ADGRL2: variants seen among roughly 807,000 people sequenced by gnomAD.
ADGRL2 encodes the protein calcium-independent alpha-latrotoxin receptor 2.
ADGRL2 carries 44 observed loss-of-function variants against 157.4 expected under a neutral mutation model. The observed-to-expected ratio is 0.28, with a 90% CI of 0.22 to 0.36. ADGRL2 has a LOEUF of 0.36. ADGRL2 is among the 10% of genes least tolerant of loss of function. The pLI, the probability that ADGRL2 is intolerant of heterozygous loss-of-function variation, is 1.00. For missense variants in ADGRL2, 1,510 were observed against 1,768.9 expected, an observed-to-expected ratio of 0.85 and a Z score of 2.63; for synonymous variants, 585 against 624.7, an observed-to-expected ratio of 0.94 and a Z score of 0.95.
chr1:81,356,614 A>C (rs1473145855), intron 1 of ADGRL2, among the ~76,000 whole-genome samples: 1 of 152,162 alleles, frequency 6.6e-6, no homozygotes, highest in Non-Finnish European at 1.5e-5. Context: ...CCTTCTAAGC[A>C]TCTTCTCAGT....
intron 2 of ADGRL2, among the ~76,000 whole-genome samples, chr1:81,462,272 C>G (rs1052623032): frequency 6.6e-6 from 1 of 152,184 alleles, no homozygotes; most frequent in African/African-American, 2.4e-5. Context: ...AGAATAAGAG[C>G]TGGCCACCCC....
At chr1:81,875,765 G>T (rs898768090) in intron 2 of ADGRL2, among the ~76,000 whole-genome samples, 1 of 152,112 alleles carries the variant, frequency 6.6e-6, no homozygotes, top group Non-Finnish European at 1.5e-5. Context: ...CTTAGGTGCT[G>T]CTGTGAAATG....
chr1:81,779,341 G>A (rs2086721181), intron 2 of ADGRL2, among the ~76,000 whole-genome samples: 1 of 152,062 alleles, frequency 6.6e-6, no homozygotes, highest in Non-Finnish European at 1.5e-5. Flanking sequence ...TATGACCAGA[G>A]ATATGACTGA....
At chr1:81,714,843 C>T (rs11163353) in intron 1 of ADGRL2, among the ~76,000 whole-genome samples, 47,697 of 149,886 alleles carry the variant, frequency 0.32, 7,808 homozygotes, top group Admixed American at 0.44. Context: ...CAGGTTTGGG[C>T]ATGTTTTGTT....
intron 17 of ADGRL2, among the ~76,000 whole-genome samples, chr1:81,972,304 T>A (rs554270031): frequency 8.5e-5 from 13 of 152,250 alleles, no homozygotes; most frequent in Admixed American, 2.6e-4. Context: ...TCTAATGAAT[T>A]AATTTTAAGT....
chr1:81,759,567 A>G (rs966086407), intron 1 of ADGRL2, among the ~76,000 whole-genome samples: 2 of 152,128 alleles, frequency 1.3e-5, no homozygotes, highest in African/African-American at 4.8e-5. Flanking sequence ...TATGTCCACA[A>G]AAGTTTTTTC....
intron 1 of ADGRL2, among the ~76,000 whole-genome samples, chr1:81,717,328 C>T (rs759382747): frequency 6.6e-6 from 1 of 152,120 alleles, no homozygotes; most frequent in African/African-American, 2.4e-5. Flanking sequence ...CAGCATGGCT[C>T]CCAAAAGGCC....
At chr1:81,496,354 G>C (rs574379847) in intron 2 of ADGRL2, among the ~76,000 whole-genome samples, 1 of 152,202 alleles carries the variant, frequency 6.6e-6, no homozygotes, top group South Asian at 2.1e-4. Context: ...ACTGCAAGTC[G>C]CTCTTTTTTT....
intron 2 of ADGRL2, among the ~76,000 whole-genome samples, chr1:81,490,939 G>A (rs370990416): frequency 1.3e-5 from 2 of 152,112 alleles, no homozygotes; most frequent in South Asian, 2.1e-4. Context: ...TCTAAAGTAA[G>A]GCACTATTGA....
intron 2 of ADGRL2, among the ~76,000 whole-genome samples, chr1:81,475,741 A>G (rs2078259257): frequency 6.6e-6 from 1 of 151,976 alleles, no homozygotes; most frequent in Non-Finnish European, 1.5e-5. Flanking sequence ...TGGGACAAGT[A>G]GATGACAGAA....
intron 1 of ADGRL2, among the ~76,000 whole-genome samples, chr1:81,329,500 G>GA (rs1360442674): frequency 6.6e-6 from 1 of 152,112 alleles, no homozygotes; most frequent in African/African-American, 2.4e-5. Flanking sequence ...ATATGCTTCT[G>GA]AGGTGTCTCA....
At chr1:81,800,350 T>G (rs895456063), upstream of ADGRL2, 1 of 152,098 alleles carries the variant, frequency 6.6e-6, no homozygotes, top group East Asian at 1.9e-4. Flanking sequence ...AAAGACGCAT[T>G]AACCCTGGAG....
In ADGRL2 at chr1:81,991,036, A is replaced by C; in HGVS notation, c.4301A>C (p.Gln1434Pro). The C allele has an allele frequency of 6.2e-7, 1 of 1,614,012 alleles. No homozygotes were observed. Among genetic ancestry groups the C allele is most frequent in the Non-Finnish European group, 8.5e-7 (1 of 1,179,994 alleles). The change falls in exon 24 of 24, where the codon CAG (glutamine) becomes CCG (proline). Residue 1434 changes from glutamine (Q) to proline (P), a missense_variant. Around this residue, in one of 4 missense-constraint regions of ADGRL2, gnomAD observed 327 missense variants for 310.1 expected, o/e 1.05. Coordinates refer to ENST00000686636, the MANE Select transcript of ADGRL2 (RefSeq NM_001366006.2). ...GGCCATCAGCTTCAGATGTGCTACC[A>C]GATCAGCAGGGGCAATAGTGATGGT... ...GAGHQLQMCY[Q>P]ISRGNSDGYI...
chr1:81,413,298 C>T (rs958262446), intron 1 of ADGRL2, among the ~76,000 whole-genome samples: 2 of 151,912 alleles, frequency 1.3e-5, no homozygotes, highest in Non-Finnish European at 2.9e-5. Context: ...TCATCCTGGC[C>T]CCAAAAAGAA....
At chr1:81,628,347 G>A (rs1214132715) in intron 3 of ADGRL2, among the ~76,000 whole-genome samples, 1 of 152,254 alleles carries the variant, frequency 6.6e-6, no homozygotes, top group Admixed American at 6.5e-5. Flanking sequence ...GTCCCAGTAA[G>A]TGTGTTAAGC....
intron 2 of ADGRL2, among the ~76,000 whole-genome samples, chr1:81,839,801 A>G (rs961607528): frequency 2.3e-4 from 33 of 141,842 alleles, no homozygotes; most frequent in Non-Finnish European, 4.2e-4. Flanking sequence ...ATATATATAT[A>G]TTTTCCATCA....
At chr1:81,987,973 G>A in intron 23 of ADGRL2, 87 bp downstream of exon 23, 1 of 278,304 alleles carries the variant, frequency 3.6e-6, no homozygotes, top group Non-Finnish European at 7.6e-6. Context: ...ATAACTAGCA[G>A]TCATGAAGTA....
chr1:81,973,013 T>A (rs1387498843), intron 17 of ADGRL2, among the ~76,000 whole-genome samples: 1 of 152,170 alleles, frequency 6.6e-6, no homozygotes, highest in African/African-American at 2.4e-5. Flanking sequence ...AAGAAGTTTT[T>A]CTTACTTTTT....
At chr1:81,790,553 T>G (rs11163377) in intron 2 of ADGRL2, among the ~76,000 whole-genome samples, 83,267 of 151,976 alleles carry the variant, frequency 0.55, 23,669 homozygotes, top group Middle Eastern at 0.75. Flanking sequence ...TTATATAAGA[T>G]TTCTAGGTTA....
Sources: allele counts gnomAD v4.1 joint callset (sites outside exome capture counted in the v4.1 genomes callset), GRCh38; gene constraint gnomAD v4.1.1; regional missense constraint gnomAD v4.1.1; transcripts MANE v1.5; gene names NCBI Gene and HGNC (gene_info 2026-07-23, HGNC 2026-07-21).